Variants in MYO1E observed in about 807,000 individuals in gnomAD.
MYO1E encodes the protein unconventional myosin-Ie.
MYO1E carries 68 observed loss-of-function variants against 151.1 expected under a neutral mutation model. The ratio of observed to expected loss-of-function variants is 0.45; its 90% CI spans 0.37 to 0.55. MYO1E has a LOEUF of 0.55. Among genes scored for constraint, MYO1E ranks in the 20% least tolerant of loss-of-function variants. The pLI is 0.00. For missense variants in MYO1E, 1,363 were observed against 1,389.3 expected (o/e 0.98, Z 0.30); for synonymous variants, 601 against 501.7 (o/e 1.20, Z -2.64).
Position 59,136,376 on chromosome 15 carries a change from C to G in MYO1E, c.*1004G>C, listed in dbSNP as rs1405859935. 1 of 168,982 alleles carries G rather than the reference C, an allele frequency of 5.9e-6. No homozygotes were observed. Among genetic ancestry groups the G allele is most frequent in the East Asian group, 1.6e-4 (1 of 6,336 alleles). 10.5% of individuals were successfully genotyped at this position (168,982 alleles called of 1,614,324 possible). On this transcript the variant is annotated 3_prime_UTR_variant, in exon 28 of 28. Transcript: ENST00000288235. ...TAAAAGAAGAAGGTGTTCGCCGATT[C>G]CTTTATTTATTTAGGAGGTGGGGGC...
Position 59,188,166 on chromosome 15 carries a change from C to G in MYO1E, c.1856G>C (p.Arg619Thr), listed in dbSNP as rs1451155153. 6.2e-7 allele frequency: 1 copy of G among 1,614,082 alleles called. No individual in the cohort carries two copies. The highest frequency in any genetic ancestry group is 8.5e-7 in the Non-Finnish European group (1 of 1,180,048). Residue 619 changes from arginine to threonine, a missense_variant, in exon 18 of 28, where the codon AGA becomes ACA. By Grantham distance (71) the Arg-to-Thr change is moderately conservative. Coordinates refer to ENST00000288235, the MANE Select transcript of MYO1E (RefSeq NM_004998.4). ...GCGCCGATAGGCATAGCCAGCTCTT[C>G]TCACTCGAATGTTCTCTTTCAGACC... The part of the protein sequence containing the change: ...YLGLKENIRV[R>T]RAGYAYRRIF...
Position 59,208,720 on chromosome 15 carries a change from A to G in MYO1E, c.1491T>C (p.Ser497=), listed in dbSNP as rs1324744448. Residue 497 remains serine (S), a synonymous_variant, in exon 14 of 28, where the codon AGT becomes AGC. Transcript: ENST00000288235. ...GATGAATGATGAAGCCTTGGTTCCA[A>G]CTGTTGAAGTGCTCATGACTCCCAA... ...MQIGSHEHFN[S]WNQGFIIHHY... is the part of the protein sequence containing the mutation. The G allele has an allele frequency of 2.5e-6, 4 of 1,614,058 alleles. No individual in the cohort carries two copies. Among genetic ancestry groups the G allele is most frequent in the Admixed American group, 3.3e-5 (2 of 60,006 alleles).
In MYO1E at chr15:59,136,933, G is replaced by T. The variant is rs572669630; in HGVS notation, c.*447C>A. 8.3e-6 allele frequency: 3 copies of T among 360,688 alleles called. No homozygotes were observed. Among genetic ancestry groups the T allele is most frequent in the Admixed American group, 7.4e-5 (2 of 27,150 alleles). 22.3% of individuals were successfully genotyped at this position (360,688 alleles called of 1,614,324 possible). A position where few individuals can be genotyped will look rare whatever the true frequency, so the allele number is the denominator to read the frequency against. ...GGGCGGGTCCTCCCTGAAGGAAGGT[G>T]GCAGAGAGGAATGTGTCTATCAGGT... On this transcript the variant is annotated 3_prime_UTR_variant, in exon 28 of 28. Transcript: ENST00000288235.
At chr15:59,287,685 G>A (rs1018121985) in intron 1 of MYO1E, among the ~76,000 whole-genome samples, 2 of 152,206 alleles carry the variant, frequency 1.3e-5, no homozygotes, top group African/African-American at 4.8e-5. Flanking sequence ...TCCCATGTCT[G>A]TGAGGGTTTC....
chr15:59,289,995 G>A (rs1201835526), intron 1 of MYO1E, among the ~76,000 whole-genome samples: 3 of 152,182 alleles, frequency 2.0e-5, no homozygotes, highest in East Asian at 3.8e-4. Context: ...ATCGGGGAAC[G>A]GGCATCACTT....
intron 26 of MYO1E, among the ~76,000 whole-genome samples, chr15:59,138,878 G>C (rs1214732840): frequency 6.6e-6 from 1 of 152,074 alleles, no homozygotes; most frequent in African/African-American, 2.4e-5. Context: ...TTTGTGGTCC[G>C]ACTGTCAACT....
chr15:59,299,799 C>T (rs1423452805), intron 1 of MYO1E, among the ~76,000 whole-genome samples: 9 of 152,182 alleles, frequency 5.9e-5, no homozygotes, highest in Non-Finnish European at 1.0e-4. Context: ...ATTTTAGAAA[C>T]ACCAGCCCAA....
At chr15:59,175,321 T>C (rs2079618183) in intron 19 of MYO1E, among the ~76,000 whole-genome samples, 1 of 152,092 alleles carries the variant, frequency 6.6e-6, no homozygotes, top group African/African-American at 2.4e-5. Flanking sequence ...CCAATAAAAA[T>C]CCAAAGTAAA....
intron 2 of MYO1E, chr15:59,270,829 C>A (rs768339780): frequency 7.2e-5 from 11 of 151,856 alleles, no homozygotes; most frequent in Non-Finnish European, 1.5e-4. Context: ...GCTAATTTTG[C>A]ATTTTTAGTA....
rs16941121 is a variant in MYO1E at position 59,192,151 on chromosome 15, A to C, written c.1805+3310T>G. 7.3e-3 allele frequency among the ~76,000 whole-genome samples: 1,104 copies of C among 152,222 alleles called. 13 individuals carry two copies. Among genetic ancestry groups the C allele is most frequent in the African/African-American group, 0.025 (1,030 of 41,538 alleles). The stretch of plus-strand genomic sequence containing the variant: ...AAACCATTTGTTACACAATAAACCC[A>C]AACCAGGATTAAGGGTGGAATCCCA... On this transcript the variant is annotated intron_variant, in intron 17 of 27. Transcript: ENST00000288235.
chr15:59,163,045 AC>A, intron 23 of MYO1E, 111 bp downstream of exon 23: 1 of 1,241,312 alleles, frequency 8.1e-7, no homozygotes, highest in East Asian at 2.5e-5. Flanking sequence ...GGCCAGCCAG[AC>A]CCCACTCTTC....
chr15:59,143,530 TG>T (rs3838848), intron 26 of MYO1E, among the ~76,000 whole-genome samples: 1,996 of 152,186 alleles, frequency 0.013, 29 homozygotes, highest in East Asian at 0.061. Context: ...AGCCTGCACA[TG>T]TCTACACCCT....
In MYO1E at chr15:59,157,648, A is replaced by G. The variant is rs1303025556; in HGVS notation, c.2878+639T>C. 6.6e-5 allele frequency among the ~76,000 whole-genome samples: 10 copies of G among 152,226 alleles called. No individual in the cohort carries two copies. In the East Asian group the frequency reaches 1.9e-3, roughly 29 times the overall value. On this transcript the variant is annotated intron_variant, in intron 25 of 27. Coordinates refer to ENST00000288235, the MANE Select transcript of MYO1E (RefSeq NM_004998.4). ...TCATAATGGCCCCAGGAAGCTGGCA[A>G]TTTGGGTATGCCAAAGAGAAGCCAT... is the stretch of plus-strand genomic sequence containing the variant.
chr15:59,357,386 TATAG>T (rs2080860487), intron 1 of MYO1E, among the ~76,000 whole-genome samples: 1 of 151,590 alleles, frequency 6.6e-6, no homozygotes, highest in African/African-American at 2.4e-5. Flanking sequence ...ATAAGATCTT[TATAG>T]ATAAAGTGCT....
chr15:59,186,963 G>A (rs1161267871), intron 18 of MYO1E, among the ~76,000 whole-genome samples: 1 of 152,120 alleles, frequency 6.6e-6, no homozygotes, highest in African/African-American at 2.4e-5. Context: ...TACATGTTAA[G>A]GGATATATAA....
chr15:59,236,352 G>A (rs371308819), intron 5 of MYO1E, among the ~76,000 whole-genome samples: 153 of 116,578 alleles, frequency 1.3e-3, no homozygotes, highest in South Asian at 2.5e-3. Context: ...TCTCAAAAAA[G>A]AAAAAAAAAA....
intron 15 of MYO1E, 72 bp from the exon 16 acceptor site, chr15:59,202,479 G>T: frequency 7.1e-7 from 1 of 1,416,268 alleles, no homozygotes; most frequent in South Asian, 1.2e-5. Context: ...CCTTTCTAGA[G>T]GATGGGGTGA....
At chr15:59,213,080 A>G (rs2079889684) in intron 12 of MYO1E, among the ~76,000 whole-genome samples, 1 of 151,904 alleles carries the variant, frequency 6.6e-6, no homozygotes, top group Non-Finnish European at 1.5e-5. Flanking sequence ...TGGTGGCCCC[A>G]GGAATCCTAA....
rs144836275 is a variant in MYO1E, at chr15:59,283,882, T to C, written c.4-11433A>G. Among the ~76,000 whole-genome samples the C allele has an allele frequency of 2.6e-3, 396 of 152,388 alleles. 2 individuals are homozygous for C. The highest frequency in any genetic ancestry group is 4.6e-3 in the Admixed American group (70 of 15,312). ...AGTTCATAGTAACTGCTTTATTGCATGTTTACTATGTGTCACGTATCAACT... is the reference window on the plus strand; with the variant it reads ...AGTTCATAGTAACTGCTTTATTGCACGTTTACTATGTGTCACGTATCAACT... On this transcript the variant is annotated intron_variant, in intron 1 of 27. Coordinates refer to ENST00000288235, the MANE Select transcript of MYO1E (RefSeq NM_004998.4).
Sources: gnomAD v4.1 joint callset for allele counts (sites outside exome capture counted in the v4.1 genomes callset) on GRCh38, gnomAD v4.1.1 for gene constraint, MANE v1.5 for transcripts, NCBI Gene and HGNC (gene_info 2026-07-23, HGNC 2026-07-21) for gene names.